Variants in COL7A1 observed in about 807,000 individuals in gnomAD.
The protein encoded by COL7A1 is collagen alpha-1(VII) chain.
COL7A1 carries 296 observed loss-of-function variants against 456.2 expected under a neutral mutation model. The observed-to-expected ratio is 0.65, with a 90% CI of 0.59 to 0.71. The LOEUF (loss-of-function observed/expected upper bound fraction) is 0.71. Among genes scored for constraint, COL7A1 ranks in the 30% least tolerant of loss-of-function variants. The pLI is 0.00. For missense variants in COL7A1, 3,441 were observed against 4,017.2 expected (o/e 0.86, Z 3.88); for synonymous variants, 1,464 against 1,525.9 (o/e 0.96, Z 0.95).
chr3:48,565,061 G>A lies in COL7A1; in HGVS notation c.8620+48C>T. 1 of 1,593,998 alleles carries A rather than the reference G, an allele frequency of 6.3e-7. No individual in the cohort carries two copies. The highest frequency in any genetic ancestry group is 8.5e-7 in the Non-Finnish European group (1 of 1,172,866). On this transcript the variant is annotated intron_variant, in intron 117 of 118. Coordinates refer to ENST00000681320, the MANE Select transcript of COL7A1 (RefSeq NM_000094.4). This position sits in a 1 kb window ranked among gnomAD's most constrained non-coding sequence, Gnocchi z 4.5. The stretch of plus-strand genomic sequence containing the variant: ...GTCAGGGGGAGGTCAGCAGGGCTCA[G>A]CCCTGCCTGCCCCTCCCCAGACCCC...
chr3:48,568,212 G>A lies in COL7A1; in HGVS notation c.7795-42C>T, dbSNP rs752855524. ...CCATGTGAGGTCAGAGGAGGTCAGTGAGGGACCAAAGAGAATCGCCCTGGA... is the reference window on the plus strand; with the variant it reads ...CCATGTGAGGTCAGAGGAGGTCAGTAAGGGACCAAAGAGAATCGCCCTGGA... On this transcript the variant is annotated intron_variant, in intron 105 of 118. Coordinates refer to ENST00000681320, the MANE Select transcript of COL7A1 (RefSeq NM_000094.4). The surrounding 1 kb of genome is among the most constrained non-coding windows in gnomAD (Gnocchi z 5.2). 51 of 1,601,080 alleles carry A rather than the reference G, an allele frequency of 3.2e-5. 1 individual carries two copies. In the Middle Eastern group the frequency reaches 8.2e-4, roughly 26 times the overall value.
At position 48,594,976 on chromosome 3, in the gene COL7A1, G is replaced by C; in HGVS notation, c.85+99C>G. 1.0e-6 allele frequency: 1 copy of C among 983,594 alleles called. No individual in the cohort carries two copies. The highest frequency in any genetic ancestry group is 1.5e-6 in the Non-Finnish European group (1 of 651,544). The allele number at this position is 983,594 out of a possible 1,614,324, so 60.9% of individuals were successfully genotyped here. On this transcript the variant is annotated intron_variant, in intron 2 of 118. Coordinates refer to ENST00000681320, the MANE Select transcript of COL7A1 (RefSeq NM_000094.4). The surrounding 1 kb of genome is among the most constrained non-coding windows in gnomAD (Gnocchi z 5.5). ...GAATCCGCGGGGCGTCGTGGAGTTG[G>C]CTGGGTTGTGGGCGGGGGGTGTTGG... is the stretch of plus-strand genomic sequence containing the variant.
At position 48,592,928 on chromosome 3, in the gene COL7A1, C is replaced by T. The variant is rs186652663; in HGVS notation, c.693G>A (p.Ser231=). 9.9e-6 allele frequency: 16 copies of T among 1,613,698 alleles called. No homozygotes were observed. The Admixed American group carries it at 1.0e-4, about 10-fold the overall frequency. ...GVPVTRPPDD[S]TSAPRDLVLS... is the part of the protein sequence containing the mutation. ...GCACCAGGTCTCGTGGAGCAGAGGT[C>T]GAGTCATCCGCTGGGAATGCGGGAT... The change falls in exon 7 of 119, where the codon TCG becomes TCA. Residue 231 remains serine (S), a synonymous_variant. Transcript: ENST00000681320. This position sits in a 1 kb window ranked among gnomAD's most constrained non-coding sequence, Gnocchi z 7.6.
Position 48,588,063 on chromosome 3 carries a change from T to A in COL7A1, c.2711-124A>T. ...TCACCCTCCTGACTGATCTTCCTCATCCTCACTGACCCTGCCCACTTTACG... is the reference window on the plus strand; with the variant it reads ...TCACCCTCCTGACTGATCTTCCTCAACCTCACTGACCCTGCCCACTTTACG... On this transcript the variant is annotated intron_variant, in intron 21 of 118. Transcript: ENST00000681320. The surrounding 1 kb of genome is among the most constrained non-coding windows in gnomAD (Gnocchi z 4.6). 3 of 1,356,944 alleles carry A rather than the reference T, an allele frequency of 2.2e-6. No homozygotes were observed. The highest frequency in any genetic ancestry group is 3.0e-6 in the Non-Finnish European group (3 of 992,004). The allele number at this position is 1,356,944 out of a possible 1,614,324, so 84.1% of individuals were successfully genotyped here.
rs776206530 is a variant in COL7A1, at chr3:48,588,963, G to A, written c.2347C>T (p.Gln783Ter). The A allele has an allele frequency of 6.2e-7, 1 of 1,613,436 alleles. No individual in the cohort carries two copies. Among genetic ancestry groups the A allele is most frequent in the Non-Finnish European group, 8.5e-7 (1 of 1,180,046 alleles). Residue 783 changes from glutamine (Q) to a stop codon, truncating the protein, a stop_gained, in exon 19 of 119, where the codon CAG (glutamine) becomes TAG (stop). Transcript: ENST00000681320. LOFTEE classifies it high-confidence loss of function. This position sits in a 1 kb window ranked among gnomAD's most constrained non-coding sequence, Gnocchi z 4.6. ...ACGTCGCTGGAAGCATTGAGGATCT[G>A]CAGCCTCGACACACGACCCACAGGC... ...PEPVGRVSRL[Q>*]ILNASSDVLR...
rs2045709338 is a variant in COL7A1 at position 48,591,641 on chromosome 3, CCA to C, written c.1507+30_1507+31del. 1 of 1,613,768 alleles carries C rather than the reference CCA, an allele frequency of 6.2e-7. No homozygotes were observed. Among genetic ancestry groups the C allele is most frequent in the African/African-American group, 1.3e-5 (1 of 75,040 alleles). ...GCAGCCTGGGGCTCCGACACCTCCC[CCA>C]CTCACTGGCCCAGCCCACAGAGCCC... On this transcript the variant is annotated intron_variant, in intron 12 of 118. Coordinates refer to ENST00000681320, the MANE Select transcript of COL7A1 (RefSeq NM_000094.4). This position sits in a 1 kb window ranked among gnomAD's most constrained non-coding sequence, Gnocchi z 7.0.
chr3:48,590,571 T>A lies in COL7A1; in HGVS notation c.1794A>T (p.Pro598=). 1 of 1,614,076 alleles carries A rather than the reference T, an allele frequency of 6.2e-7. No individual in the cohort carries two copies. Among genetic ancestry groups the A allele is most frequent in the East Asian group, 2.2e-5 (1 of 44,888 alleles). The change falls in exon 15 of 119, where the codon CCA becomes CCT. Residue 598 remains proline (P), a synonymous_variant. Transcript: ENST00000681320. The surrounding 1 kb of genome is among the most constrained non-coding windows in gnomAD (Gnocchi z 4.6). ...CAACCCGCAGCCCTGGAACAGCAAGTGGAGTTTCCGGCTCTAGGAGTTACA... is the reference window on the plus strand; with the variant it reads ...CAACCCGCAGCCCTGGAACAGCAAGAGGAGTTTCCGGCTCTAGGAGTTACA... ...VLTVRREPET[P]LAVPGLRVVV...
Position 48,564,417 on chromosome 3 carries a change from C to T in COL7A1, c.8824G>A (p.Ala2942Thr). The T allele has an allele frequency of 6.2e-7, 1 of 1,614,108 alleles. No homozygotes were observed. Among genetic ancestry groups the T allele is most frequent in the Non-Finnish European group, 8.5e-7 (1 of 1,179,992 alleles). ...TCATTATCTGGGCCTCAGTCCTGGG[C>T]AGTACCTGGTGAGGACAGGTTGGAA... ...RVVQSQGTGT[A>T]QD The change falls in exon 119 of 119, where the codon GCC becomes ACC. Residue 2942 changes from alanine to threonine, a missense_variant. Physicochemically the swap from Ala to Thr is moderately conservative, Grantham distance 58. Transcript: ENST00000681320. The surrounding 1 kb of genome is among the most constrained non-coding windows in gnomAD (Gnocchi z 6.0).
At chr3:48,584,104 A>G (rs1271037405) in intron 37 of COL7A1, 43 bp from the exon 38 acceptor site, 3 of 1,613,768 alleles carry the variant, frequency 1.9e-6, no homozygotes, top group Non-Finnish European at 2.5e-6. Flanking sequence ...GCCACACCTC[A>G]CTCCCAAAGA....
At chr3:48,576,228 G>T in intron 71 of COL7A1, 21 bp downstream of exon 71, 1 of 1,613,258 alleles carries the variant, frequency 6.2e-7, no homozygotes, top group Non-Finnish European at 8.5e-7. Flanking sequence ...GAGTCAAGGG[G>T]ACATCCCAAG....
Position 48,593,380 on chromosome 3 carries a change from G to T in COL7A1, c.496C>A (p.Gln166Lys). Reference protein sequence around the residue: ...VDTAAQRLKGQGVKLFAVGIK... With the variant: ...VDTAAQRLKGKGVKLFAVGIK... ...CCCACAGCAAATAGCTTGACCCCCT[G>T]CCCCTTCAGCCTTTGGGCAGCTGTG... is the stretch of plus-strand genomic sequence containing the variant. The change falls in exon 5 of 119, where the codon CAG (glutamine) becomes AAG (lysine). Residue 166 changes from glutamine (Q) to lysine (K), a missense_variant. Gln to Lys is a moderately conservative substitution (Grantham distance 53, BLOSUM62 1). Around this residue, in one of 3 missense-constraint regions of COL7A1, gnomAD observed 913 missense variants for 1,088.2 expected, o/e 0.84. Transcript: ENST00000681320. This position sits in a 1 kb window ranked among gnomAD's most constrained non-coding sequence, Gnocchi z 4.4. 6.2e-7 allele frequency: 1 copy of T among 1,614,086 alleles called. No individual in the cohort carries two copies. The highest frequency in any genetic ancestry group is 1.1e-5 in the South Asian group (1 of 91,080).
chr3:48,595,309 C>T lies in COL7A1; in HGVS notation c.-43G>A, dbSNP rs1245785329. On this transcript the variant is annotated 5_prime_UTR_variant, in exon 1 of 119. Transcript: ENST00000681320. ...TCCCGCCGCCGCCGCTGCAGTCTCT[C>T]GGGCAGAGCAGAGAAAAGTCCCTGA... is the stretch of plus-strand genomic sequence containing the variant. 2.9e-6 allele frequency: 2 copies of T among 686,696 alleles called. No individual in the cohort carries two copies. Among genetic ancestry groups the T allele is most frequent in the East Asian group, 2.8e-5 (1 of 36,308 alleles). 42.5% of individuals were successfully genotyped at this position (686,696 alleles called of 1,614,324 possible). A position where few individuals can be genotyped will look rare whatever the true frequency, so the allele number is the denominator to read the frequency against.
In COL7A1 at chr3:48,569,997, T is replaced by A. The variant is rs2043807640; in HGVS notation, c.7486-82A>T. 6.2e-7 allele frequency: 1 copy of A among 1,603,250 alleles called. No individual in the cohort carries two copies. The highest frequency in any genetic ancestry group is 1.7e-5 in the Admixed American group (1 of 59,810). On this transcript the variant is annotated intron_variant, in intron 99 of 118. Coordinates refer to ENST00000681320, the MANE Select transcript of COL7A1 (RefSeq NM_000094.4). This position sits in a 1 kb window ranked among gnomAD's most constrained non-coding sequence, Gnocchi z 4.9. Reference sequence around the variant, plus strand: ...AGGATCAGGGGGAGGAGGGAAACAGTGGGGACCAGACAAAGGGGACAGGGG... The same window carrying A: ...AGGATCAGGGGGAGGAGGGAAACAGAGGGGACCAGACAAAGGGGACAGGGG...
At chr3:48,589,139 G>A (rs572123308) in intron 18 of COL7A1, 144 bp from the exon 19 acceptor site, 1 of 1,498,512 alleles carries the variant, frequency 6.7e-7, no homozygotes, top group African/African-American at 1.4e-5. Context: ...GGAGGTCAGT[G>A]CCTTGGGGTG....
chr3:48,577,412 T>C (rs1236531836), intron 65 of COL7A1, among the ~76,000 whole-genome samples: 1 of 152,250 alleles, frequency 6.6e-6, no homozygotes, highest in African/African-American at 2.4e-5. Context: ...TGTCTGCATA[T>C]GGGCATGGGC....
At position 48,575,011 on chromosome 3, in the gene COL7A1, G is replaced by T; in HGVS notation, c.6279+53C>A. The T allele has an allele frequency of 6.3e-7, 1 of 1,589,022 alleles. No individual in the cohort carries two copies. On this transcript the variant is annotated intron_variant, in intron 76 of 118. Transcript: ENST00000681320. The surrounding 1 kb of genome is among the most constrained non-coding windows in gnomAD (Gnocchi z 6.3). ...ACCATATTTCTGGGGACCAAGCTAA[G>T]GGTGGCTTCCTGGTCACTAGTCACA...
chr3:48,586,892 G>T lies in COL7A1; in HGVS notation c.3276+80C>A. The T allele has an allele frequency of 6.5e-7, 1 of 1,547,200 alleles. No individual in the cohort carries two copies. The highest frequency in any genetic ancestry group is 8.7e-7 in the Non-Finnish European group (1 of 1,143,796). The stretch of plus-strand genomic sequence containing the variant: ...GGGAGAATGCCTGAACCTATTGGGT[G>T]GTCAGGAGATGGTAACTGGTATGGA... On this transcript the variant is annotated intron_variant, in intron 25 of 118. Transcript: ENST00000681320. This position sits in a 1 kb window ranked among gnomAD's most constrained non-coding sequence, Gnocchi z 5.1.
chr3:48,564,229 G>T lies in COL7A1; in HGVS notation c.*177C>A. Reference sequence around the variant, plus strand: ...TGCCAGGGTGGCAGGAGCCACAATGGGGGTTTGTCCACAGGGGGGAAGGCT... The same window carrying T: ...TGCCAGGGTGGCAGGAGCCACAATGTGGGTTTGTCCACAGGGGGGAAGGCT... On this transcript the variant is annotated 3_prime_UTR_variant, in exon 119 of 119. Coordinates refer to ENST00000681320, the MANE Select transcript of COL7A1 (RefSeq NM_000094.4). This position sits in a 1 kb window ranked among gnomAD's most constrained non-coding sequence, Gnocchi z 6.0. 1 of 758,186 alleles carries T rather than the reference G, an allele frequency of 1.3e-6. No homozygotes were observed. Among genetic ancestry groups the T allele is most frequent in the Non-Finnish European group, 2.3e-6 (1 of 442,654 alleles). 47.0% of individuals were successfully genotyped at this position (758,186 alleles called of 1,614,324 possible).
chr3:48,590,532 T>A lies in COL7A1; in HGVS notation c.1833A>T (p.Ala611=), dbSNP rs1217597490. The A allele has an allele frequency of 6.2e-7, 1 of 1,614,058 alleles. No individual in the cohort carries two copies. The highest frequency in any genetic ancestry group is 8.5e-7 in the Non-Finnish European group (1 of 1,180,046). The change falls in exon 15 of 119, where the codon GCA becomes GCT. Residue 611 remains alanine (A), a synonymous_variant. Coordinates refer to ENST00000681320, the MANE Select transcript of COL7A1 (RefSeq NM_000094.4). The surrounding 1 kb of genome is among the most constrained non-coding windows in gnomAD (Gnocchi z 4.6). The part of the protein sequence containing the change: ...VPGLRVVVSD[A]TRVRVAWGPV... ...GTCCCCAGGCCACCCTCACTCGCGTTGCATCTGACACCACAACCCGCAGCC... is the reference window on the plus strand; with the variant it reads ...GTCCCCAGGCCACCCTCACTCGCGTAGCATCTGACACCACAACCCGCAGCC...
Sources: allele counts gnomAD v4.1 joint callset (sites outside exome capture counted in the v4.1 genomes callset), GRCh38; gene constraint gnomAD v4.1.1; regional missense constraint gnomAD v4.1.1; non-coding constraint Gnocchi (gnomAD v3.1); transcripts MANE v1.5; gene names NCBI Gene and HGNC (gene_info 2026-07-23, HGNC 2026-07-21).